The following NAT16 variants were observed in gnomAD, a reference collection of about 807,000 sequenced individuals.
NAT16 encodes the protein N-acetyltransferase 16 (putative).
In NAT16, 16 loss-of-function variants were observed where a neutral mutation model predicts 15.9. The ratio of observed to expected loss-of-function variants is 1.01; its 90% CI spans 0.68 to 1.53. The LOEUF is 1.53. Among genes scored for constraint, NAT16 ranks in the 40% most tolerant of loss-of-function variants. The pLI is 0.00. For synonymous variants in NAT16, 260 were observed against 241.9 expected (o/e 1.07, Z -0.69); for missense variants, 572 against 508.4 (o/e 1.13, Z -1.20).
At chr7:101,178,150 A>G (rs1351397520) in intron 1 of NAT16, among the ~76,000 whole-genome samples, 1 of 152,170 alleles carries the variant, frequency 6.6e-6, no homozygotes, top group African/African-American at 2.4e-5. Context: ...AATGGCATTT[A>G]TACGTCTCAG....
chr7:101,179,790 G>A (rs935815216), intron 1 of NAT16, among the ~76,000 whole-genome samples: 4 of 150,562 alleles, frequency 2.7e-5, no homozygotes, highest in African/African-American at 7.3e-5. Flanking sequence ...CTTGGCGGGG[G>A]TTCCCCTGGG....
At chr7:101,177,770 G>C (rs1260759006) in intron 1 of NAT16, among the ~76,000 whole-genome samples, 1 of 152,214 alleles carries the variant, frequency 6.6e-6, no homozygotes, top group Admixed American at 6.5e-5. Flanking sequence ...TGAAGAACCA[G>C]AGATGCGGTT....
intron 1 of NAT16, among the ~76,000 whole-genome samples, chr7:101,177,640 C>T (rs1329546942): frequency 6.6e-6 from 1 of 152,188 alleles, no homozygotes; most frequent in Non-Finnish European, 1.5e-5. Context: ...GTGTGAGCCA[C>T]CATGCCCAGC....
At chr7:101,175,919 G>A (rs1797454977) in intron 1 of NAT16, among the ~76,000 whole-genome samples, 1 of 61,484 alleles carries the variant, frequency 1.6e-5, no homozygotes, top group Non-Finnish European at 3.1e-5. Context: ...GAGAACCTGT[G>A]TCAAAAAAAA....
chr7:101,170,759 GC>G lies in NAT16; in HGVS notation c.*1319del, dbSNP rs1797301874. The stretch of plus-strand genomic sequence containing the variant: ...AACATTCTCCTAGCACCTACGCATT[GC>G]CCAACAAGAAGTTCAAGCTAACATC... On this transcript the variant is annotated 3_prime_UTR_variant, in exon 4 of 4. Transcript: ENST00000300303. 1 of 152,330 alleles carries G rather than the reference GC, an allele frequency of 6.6e-6. No individual in the cohort carries two copies. Among genetic ancestry groups the G allele is most frequent in the Admixed American group, 6.5e-5 (1 of 15,280 alleles). 9.4% of individuals were successfully genotyped at this position (152,330 alleles called of 1,614,324 possible). A position where few individuals can be genotyped will look rare whatever the true frequency, so the allele number is the denominator to read the frequency against.
At chr7:101,174,389 G>A (rs951702606) in intron 2 of NAT16, 107 bp downstream of exon 2, 20 of 1,395,458 alleles carry the variant, frequency 1.4e-5, no homozygotes, top group Non-Finnish European at 1.9e-5. Flanking sequence ...TATTTCCGCA[G>A]CCTCCAGAGG....
At chr7:101,173,207 G>A (rs1371113260) in intron 3 of NAT16, 89 bp downstream of exon 3, 1 of 1,199,638 alleles carries the variant, frequency 8.3e-7, no homozygotes, top group Non-Finnish European at 1.2e-6. Flanking sequence ...CAGAGAGAGA[G>A]CAAGCCCGTG....
chr7:101,174,467 T>C (rs576514367), intron 2 of NAT16, 29 bp downstream of exon 2: 1 of 1,577,534 alleles, frequency 6.3e-7, no homozygotes, highest in African/African-American at 1.4e-5. Context: ...CTTCACCCCA[T>C]GTCACCTGGG....
chr7:101,174,395 A>G (rs740107), intron 2 of NAT16, 101 bp downstream of exon 2: 1,062,546 of 1,408,578 alleles, frequency 0.75, 401,631 homozygotes, highest in Admixed American at 0.82. Flanking sequence ...CGCAGCCTCC[A>G]GAGGAAGGCT....
chr7:101,172,600 C>T lies in NAT16; in HGVS notation c.589G>A (p.Ala197Thr). The change falls in exon 4 of 4, where the codon GCG (alanine) becomes ACG (threonine). Residue 197 changes from alanine (A) to threonine (T), a missense_variant. Transcript: ENST00000300303. This position sits in a 1 kb window ranked among gnomAD's most constrained non-coding sequence, Gnocchi z 4.2. ...NASALLAGLGARLAALRTSGT... is the reference protein window; with the variant it reads ...NASALLAGLGTRLAALRTSGT... ...GAGGTCCGCAGCGCCGCCAGCCGCG[C>T]GCCCAGCCCGGCCAGCAGCGCGGAC... 4 of 1,527,282 alleles carry T rather than the reference C, an allele frequency of 2.6e-6. No homozygotes were observed. The highest frequency in any genetic ancestry group is 3.5e-6 in the Non-Finnish European group (4 of 1,145,628). The allele number at this position is 1,527,282 out of a possible 1,614,324, so 94.6% of individuals were successfully genotyped here.
rs1312743950 is a variant in NAT16 at position 101,172,856 on chromosome 7, C to A, written c.538-205G>T. ...GGGTACCAGACAGGGACCAGGGGCA[C>A]GGGCTCCCAGTACGTGGATCCCCAA... On this transcript the variant is annotated intron_variant, in intron 3 of 3. Coordinates refer to ENST00000300303, the MANE Select transcript of NAT16 (RefSeq NM_198571.3). This position sits in a 1 kb window ranked among gnomAD's most constrained non-coding sequence, Gnocchi z 4.2. Among the ~76,000 whole-genome samples, 1 of 152,112 alleles carries A rather than the reference C, an allele frequency of 6.6e-6. No individual in the cohort carries two copies. Among genetic ancestry groups the A allele is most frequent in the Non-Finnish European group, 1.5e-5 (1 of 68,012 alleles).
In NAT16 at chr7:101,173,579, C is replaced by T. The variant is rs76782634; in HGVS notation, c.313-59G>A. ...CCGCCTGCGCCCCTGCCAGGGCTGT[C>T]GGTTCACTGGGCTCTCCTCTTCCCA... On this transcript the variant is annotated intron_variant, in intron 2 of 3. Coordinates refer to ENST00000300303, the MANE Select transcript of NAT16 (RefSeq NM_198571.3). 2.9e-5 allele frequency: 41 copies of T among 1,410,808 alleles called. No individual in the cohort carries two copies. In the East Asian group the frequency reaches 9.3e-4, roughly 32 times the overall value. The allele number at this position is 1,410,808 out of a possible 1,614,324, so 87.4% of individuals were successfully genotyped here.
chr7:101,173,809 A>C (rs765100521), intron 2 of NAT16: 10 of 447,634 alleles, frequency 2.2e-5, no homozygotes, highest in Middle Eastern at 5.8e-4. Flanking sequence ...CTGCAGCCTC[A>C]AACTCCTGGG....
In NAT16 at chr7:101,174,923, TC is replaced by T. The variant is rs1425241350; in HGVS notation, c.-4-113del. On this transcript the variant is annotated intron_variant, in intron 1 of 3. Coordinates refer to ENST00000300303, the MANE Select transcript of NAT16 (RefSeq NM_198571.3). ...TTCCTACACAAATAGCCTTTCTTTTTCTTTTCTTTTATTTATTTACTTATTT... is the reference window on the plus strand; with the variant it reads ...TTCCTACACAAATAGCCTTTCTTTTTTTTTCTTTTATTTATTTACTTATTT... 2.4e-6 allele frequency: 3 copies of T among 1,227,874 alleles called. No homozygotes were observed. In the African/African-American group the frequency reaches 4.7e-5, roughly 19 times the overall value. 76.1% of individuals were successfully genotyped at this position (1,227,874 alleles called of 1,614,324 possible). A position where few individuals can be genotyped will look rare whatever the true frequency, so the allele number is the denominator to read the frequency against.
chr7:101,173,351 C>A lies in NAT16; in HGVS notation c.482G>T (p.Arg161Leu). The A allele has an allele frequency of 6.2e-7, 1 of 1,614,040 alleles. No homozygotes were observed. The highest frequency in any genetic ancestry group is 8.5e-7 in the Non-Finnish European group (1 of 1,179,992). ...HPGVKVARLT[R>L]DDQLGPRELK... ...CTCCCGGGGGCCCAGCTGGTCGTCC[C>A]GGGTGAGCCGTGCCACCTTGACCCC... is the stretch of plus-strand genomic sequence containing the variant. The change falls in exon 3 of 4, where the codon CGG becomes CTG. Residue 161 changes from arginine to leucine, a missense_variant. Physicochemically the swap from Arg to Leu is moderately radical, Grantham distance 102. Transcript: ENST00000300303.
rs1036862883 is a variant in NAT16 at position 101,172,033 on chromosome 7, C to A, written c.*46G>T. ...GGAAAGAGGCTGGCTGGGGAAACTG[C>A]GGAAGGGGGCGGGTCTTTTTCCCCC... On this transcript the variant is annotated 3_prime_UTR_variant, in exon 4 of 4. Transcript: ENST00000300303. This position sits in a 1 kb window ranked among gnomAD's most constrained non-coding sequence, Gnocchi z 4.2. 2 of 1,371,456 alleles carry A rather than the reference C, an allele frequency of 1.5e-6. No individual in the cohort carries two copies. The highest frequency in any genetic ancestry group is 1.0e-6 in the Non-Finnish European group (1 of 982,638). The allele number at this position is 1,371,456 out of a possible 1,614,324, so 85.0% of individuals were successfully genotyped here. A position where few individuals can be genotyped will look rare whatever the true frequency, so the allele number is the denominator to read the frequency against.
In NAT16 at chr7:101,172,578, G is replaced by A; in HGVS notation, c.611C>T (p.Thr204Ile). The A allele has an allele frequency of 6.5e-7, 1 of 1,534,900 alleles. No individual in the cohort carries two copies. Among genetic ancestry groups the A allele is most frequent in the South Asian group, 1.2e-5 (1 of 84,508 alleles). The change falls in exon 4 of 4, where the codon ACC (threonine) becomes ATC (isoleucine). Residue 204 changes from threonine (T) to isoleucine (I), a missense_variant. Physicochemically the swap from Thr to Ile is moderately conservative, Grantham distance 89. Coordinates refer to ENST00000300303, the MANE Select transcript of NAT16 (RefSeq NM_198571.3). The surrounding 1 kb of genome is among the most constrained non-coding windows in gnomAD (Gnocchi z 4.2). ...GGGCAGCGGCGAGAAGGTGCCAGAG[G>A]TCCGCAGCGCCGCCAGCCGCGCGCC... ...GLGARLAALR[T>I]SGTFSPLPTE... is the part of the protein sequence containing the mutation.
chr7:101,174,933 T>C, intron 1 of NAT16, 122 bp from the exon 2 acceptor site: 1 of 1,191,456 alleles, frequency 8.4e-7, no homozygotes, highest in Non-Finnish European at 1.1e-6. Context: ...TCTTTTCTTT[T>C]ATTTATTTAC....
chr7:101,171,956 GA>G lies in NAT16; in HGVS notation c.*122del. Reference sequence around the variant, plus strand: ...GGGGGACCTGCGCCGGTAAGGGCAGGAGGGCAGGAGTCAGAGGGGACTTCCC... The same window carrying G: ...GGGGGACCTGCGCCGGTAAGGGCAGGGGGCAGGAGTCAGAGGGGACTTCCC... On this transcript the variant is annotated 3_prime_UTR_variant, in exon 4 of 4. Transcript: ENST00000300303. The G allele has an allele frequency of 1.5e-6, 1 of 674,400 alleles. No individual in the cohort carries two copies. The highest frequency in any genetic ancestry group is 2.6e-6 in the Non-Finnish European group (1 of 387,610). 41.8% of individuals were successfully genotyped at this position (674,400 alleles called of 1,614,324 possible). A position where few individuals can be genotyped will look rare whatever the true frequency, so the allele number is the denominator to read the frequency against.
Sources: gnomAD v4.1 joint callset for allele counts (sites outside exome capture counted in the v4.1 genomes callset) on GRCh38, gnomAD v4.1.1 for gene constraint, Gnocchi (gnomAD v3.1) non-coding constraint, MANE v1.5 for transcripts, NCBI Gene and HGNC (gene_info 2026-07-23, HGNC 2026-07-21) for gene names.